Variants in AFF1 observed in about 807,000 individuals in gnomAD.
The protein encoded by AFF1 is AF4/FMR2 family member 1.
In AFF1, 48 loss-of-function variants were observed where a neutral mutation model predicts 121.7. The observed-to-expected ratio is 0.39, with a 90% CI of 0.31 to 0.50. The LOEUF (loss-of-function observed/expected upper bound fraction) is 0.50. Among genes scored for constraint, AFF1 ranks in the 20% least tolerant of loss-of-function variants. The probability of loss-of-function intolerance (pLI) is 0.76; values close to 1 mark genes in which losing one functional copy is unlikely to be tolerated. For synonymous variants in AFF1, 613 were observed against 563.0 expected, an observed-to-expected ratio of 1.09 and a Z score of -1.26; for missense variants, 1,523 against 1,511.7, an observed-to-expected ratio of 1.01 and a Z score of -0.12.
intron 2 of AFF1, among the ~76,000 whole-genome samples, chr4:86,983,846 G>A (rs1029605274): frequency 4.6e-5 from 7 of 152,034 alleles, no homozygotes; most frequent in Non-Finnish European, 1.0e-4. Flanking sequence ...GACCATCCTG[G>A]CCAACACGGT....
chr4:86,953,077 G>A (rs1327011338), intron 2 of AFF1, among the ~76,000 whole-genome samples: 1 of 151,618 alleles, frequency 6.6e-6, no homozygotes, highest in Non-Finnish European at 1.5e-5. Flanking sequence ...TGTTTTGCTA[G>A]TTATTAAGTT....
At chr4:87,087,196 T>C (rs537189837) in intron 5 of AFF1, among the ~76,000 whole-genome samples, 3 of 152,264 alleles carry the variant, frequency 2.0e-5, no homozygotes, top group Non-Finnish European at 4.4e-5. Flanking sequence ...GCACTATTTA[T>C]ATGTTCATTT....
At chr4:86,972,130 T>TC (rs1733745309) in intron 2 of AFF1, among the ~76,000 whole-genome samples, 1 of 44,204 alleles carries the variant, frequency 2.3e-5, no homozygotes, top group African/African-American at 1.1e-4. Flanking sequence ...AGAGCTTGTC[T>TC]CAAAAAAAAA....
intron 5 of AFF1, among the ~76,000 whole-genome samples, chr4:87,089,396 C>T (rs1313568659): frequency 6.6e-6 from 1 of 152,146 alleles, no homozygotes; most frequent in Non-Finnish European, 1.5e-5. Context: ...AATTAAGCTT[C>T]TCAATGGAAA....
intron 8 of AFF1, among the ~76,000 whole-genome samples, chr4:87,097,127 CCTGT>C (rs1724957902): frequency 6.6e-6 from 1 of 152,186 alleles, no homozygotes; most frequent in Non-Finnish European, 1.5e-5. Flanking sequence ...GTTGTCAAGC[CCTGT>C]AGACCATAAA....
chr4:87,088,614 T>G (rs79533971), intron 5 of AFF1, among the ~76,000 whole-genome samples: 3,876 of 152,216 alleles, frequency 0.025, 130 homozygotes, highest in African/African-American at 0.077. Flanking sequence ...AATTTTTTTT[T>G]TTGTTGTTGA....
intron 5 of AFF1, 26 bp from the exon 6 acceptor site, chr4:87,089,958 T>C: frequency 1.3e-6 from 2 of 1,576,954 alleles, no homozygotes; most frequent in Admixed American, 1.7e-5. Context: ...ATTTACTTTT[T>C]CTTCCCTTTC....
At position 87,135,659 on chromosome 4, in the gene AFF1, A is replaced by G; in HGVS notation, c.3615A>G (p.Arg1205=). The change falls in exon 21 of 21, where the codon CGA becomes CGG. Residue 1205 remains arginine, a synonymous_variant. Transcript: ENST00000395146. The part of the protein sequence containing the change: ...SSLVDLVHYT[R]QGFQQLQELT... Reference sequence around the variant, plus strand: ...TGGTGGACCTGGTGCACTATACACGACAGGGTTTTCAGCAGCTACAAGAAT... The same window carrying G: ...TGGTGGACCTGGTGCACTATACACGGCAGGGTTTTCAGCAGCTACAAGAAT... 1 of 1,613,106 alleles carries G rather than the reference A, an allele frequency of 6.2e-7. No individual in the cohort carries two copies. Among genetic ancestry groups the G allele is most frequent in the Non-Finnish European group, 8.5e-7 (1 of 1,179,524 alleles).
chr4:87,036,838 C>G, intron 2 of AFF1: 3 of 499,214 alleles, frequency 6.0e-6, no homozygotes, highest in Non-Finnish European at 1.2e-5. Context: ...CCTCCCCCAT[C>G]CCCCCTTTTT....
intron 11 of AFF1, among the ~76,000 whole-genome samples, chr4:87,108,554 T>C (rs1469253186): frequency 1.3e-5 from 2 of 152,196 alleles, no homozygotes; most frequent in Non-Finnish European, 2.9e-5. Context: ...AAATGATAGG[T>C]CTTCTCTGTC....
intron 4 of AFF1, among the ~76,000 whole-genome samples, chr4:87,059,748 C>G (rs562631448): frequency 2.6e-5 from 4 of 152,290 alleles, no homozygotes; most frequent in African/African-American, 9.6e-5. Context: ...CCCCCAGACC[C>G]TTATAGATGA....
At chr4:87,033,497 ATG>A (rs1324394083) in intron 2 of AFF1, among the ~76,000 whole-genome samples, 1 of 152,198 alleles carries the variant, frequency 6.6e-6, no homozygotes, top group Non-Finnish European at 1.5e-5. Context: ...GTTCTATAGA[ATG>A]TACCTCATTC....
chr4:87,129,908 T>G (rs1250921951), intron 16 of AFF1, among the ~76,000 whole-genome samples: 2 of 152,206 alleles, frequency 1.3e-5, no homozygotes, highest in East Asian at 3.9e-4. Context: ...CCGCTCTCAT[T>G]GCTGACGTGT....
At chr4:87,036,940 T>A (rs760012880) in intron 2 of AFF1, 1 of 360,364 alleles carries the variant, frequency 2.8e-6, no homozygotes, top group Non-Finnish European at 5.4e-6. Flanking sequence ...CAAGTGATCC[T>A]CCCATCTCAG....
At chr4:87,127,353 G>A (rs974784380) in intron 15 of AFF1, among the ~76,000 whole-genome samples, 2 of 151,968 alleles carry the variant, frequency 1.3e-5, no homozygotes, top group Non-Finnish European at 2.9e-5. Flanking sequence ...TAGTAGAGAC[G>A]GGTTTCATCA....
chr4:87,000,035 G>A (rs1423472658), intron 2 of AFF1, among the ~76,000 whole-genome samples: 1 of 152,200 alleles, frequency 6.6e-6, no homozygotes, highest in Non-Finnish European at 1.5e-5. Context: ...GGGGCTCCCA[G>A]TGGCCAAGGC....
rs1729416305 is a variant in AFF1 at position 87,137,776 on chromosome 4, T to C, written c.*2075T>C. On this transcript the variant is annotated 3_prime_UTR_variant, in exon 21 of 21. Transcript: ENST00000395146. ...GGCTTTATTTCGATATTGAAGATGT[T>C]ATTTAACATCTTTCTTTTTTCCTTA... The C allele has an allele frequency of 8.6e-6, 2 of 232,350 alleles. No homozygotes were observed. The highest frequency in any genetic ancestry group is 1.7e-5 in the Non-Finnish European group (2 of 117,518). 14.4% of individuals were successfully genotyped at this position (232,350 alleles called of 1,614,324 possible). A position where few individuals can be genotyped will look rare whatever the true frequency, so the allele number is the denominator to read the frequency against.
intron 2 of AFF1, among the ~76,000 whole-genome samples, chr4:86,990,462 A>C (rs1353374421): frequency 1.3e-5 from 2 of 152,152 alleles, no homozygotes; most frequent in Non-Finnish European, 2.9e-5. Context: ...AGAAAACATA[A>C]GGCCATAAGA....
In AFF1 at chr4:87,103,620, G is replaced by T. The variant is rs552634862; in HGVS notation, c.1284-2008G>T. Among the ~76,000 whole-genome samples the T allele has an allele frequency of 1.7e-3, 261 of 152,284 alleles. 3 individuals are homozygous for T. Among genetic ancestry groups the T allele is most frequent in the Admixed American group, 3.7e-3 (57 of 15,286 alleles). On this transcript the variant is annotated intron_variant, in intron 8 of 20. Transcript: ENST00000395146. ...TCTGCAGGGAAAATTTTTAGAATCT[G>T]GGACAGCATTTTCATGGTGCCTGTT...
Sources: gnomAD v4.1 joint callset for allele counts (sites outside exome capture counted in the v4.1 genomes callset) on GRCh38, gnomAD v4.1.1 for gene constraint, MANE v1.5 for transcripts, NCBI Gene and HGNC (gene_info 2026-07-23, HGNC 2026-07-21) for gene names.